MTUS2: variants seen among roughly 807,000 people sequenced by gnomAD.
The protein encoded by MTUS2 is microtubule-associated tumor suppressor candidate 2.
Under a neutral mutation model 114.1 loss-of-function variants are expected in MTUS2, and 40 were observed. That is an observed-to-expected ratio of 0.35 (90% CI 0.27 to 0.46). The LOEUF is 0.46. MTUS2 is among the 20% of genes least tolerant of loss of function. The pLI, the probability that MTUS2 is intolerant of heterozygous loss-of-function variation, is 1.00. For synonymous variants in MTUS2, 688 were observed against 672.0 expected (o/e 1.02, Z -0.37); for missense variants, 1,679 against 1,705.4 (o/e 0.98, Z 0.27).
chr13:28,909,916 A>C lies in MTUS2; in HGVS notation c.-243+70066A>C, dbSNP rs923993008. On this transcript the variant is annotated intron_variant, in intron 2 of 15. Coordinates refer to ENST00000612955, the MANE Select transcript of MTUS2 (RefSeq NM_001033602.4). ...TATTTTTTAATTTTTGTGGGTGCATAGTAAGTATATATATTTATGGGCTAC... is the reference window on the plus strand; with the variant it reads ...TATTTTTTAATTTTTGTGGGTGCATCGTAAGTATATATATTTATGGGCTAC... Among the ~76,000 whole-genome samples the C allele has an allele frequency of 2.9e-4, 44 of 152,276 alleles. 1 individual carries two copies. The highest frequency in any genetic ancestry group is 2.8e-3 in the Admixed American group (43 of 15,296).
intron 8 of MTUS2, among the ~76,000 whole-genome samples, chr13:29,393,833 G>A (rs926130776): frequency 9.2e-5 from 14 of 152,276 alleles, no homozygotes; most frequent in African/African-American, 2.2e-4. Context: ...TGGAAAAGGC[G>A]GGACAACTCG....
rs539719781 is a variant in MTUS2 at position 29,245,402 on chromosome 13, G to A, written c.2645-36302G>A. Among the ~76,000 whole-genome samples, 7 of 152,312 alleles carry A rather than the reference G, an allele frequency of 4.6e-5. No homozygotes were observed. In the South Asian group the frequency reaches 1.2e-3, roughly 27 times the overall value. On this transcript the variant is annotated intron_variant, in intron 5 of 15. Coordinates refer to ENST00000612955, the MANE Select transcript of MTUS2 (RefSeq NM_001033602.4). ...ATGAGTTTGGGGTAGGCAAGAAAGT[G>A]CAAGGTATGTTCTAATCAGGAGCTG...
rs537563369 is a variant in MTUS2 at position 28,966,755 on chromosome 13, A to G, written c.-242-57702A>G. Among the ~76,000 whole-genome samples, 15 of 150,376 alleles carry G rather than the reference A, an allele frequency of 1.0e-4. No homozygotes were observed. In the East Asian group the frequency reaches 2.5e-3, roughly 25 times the overall value. Reference sequence around the variant, plus strand: ...AAAAAAAAAAAAAAAAAAACAAAGAACTGATTATTATTTTTTGAACATTTC... The same window carrying G: ...AAAAAAAAAAAAAAAAAAACAAAGAGCTGATTATTATTTTTTGAACATTTC... On this transcript the variant is annotated intron_variant, in intron 2 of 15. Coordinates refer to ENST00000612955, the MANE Select transcript of MTUS2 (RefSeq NM_001033602.4).
chr13:29,413,542 C>T (rs955530445), intron 8 of MTUS2, among the ~76,000 whole-genome samples: 3 of 106,192 alleles, frequency 2.8e-5, no homozygotes, highest in East Asian at 5.1e-4. Flanking sequence ...AGAAAATTTT[C>T]GCAACCTACT....
chr13:29,276,462 T>C (rs1898067084), intron 5 of MTUS2, among the ~76,000 whole-genome samples: 1 of 152,218 alleles, frequency 6.6e-6, no homozygotes, highest in Non-Finnish European at 1.5e-5. Context: ...CAAGAGGCTA[T>C]AGTCCTTTAG....
chr13:29,436,682 T>C (rs901756020), intron 8 of MTUS2, among the ~76,000 whole-genome samples: 29 of 152,166 alleles, frequency 1.9e-4, no homozygotes, highest in Admixed American at 1.8e-3. Flanking sequence ...GTCATTTTCA[T>C]TGGGTCTTCG....
intron 5 of MTUS2, among the ~76,000 whole-genome samples, chr13:29,214,201 A>G (rs1288799267): frequency 1.3e-4 from 18 of 141,122 alleles, no homozygotes; most frequent in African/African-American, 4.8e-4. Context: ...TTTGCTTTCC[A>G]TTTGCTTGGT....
rs1333567394 is a variant in MTUS2, at chr13:29,505,636, A to T, written c.*2430A>T. 2 of 231,120 alleles carry T rather than the reference A, an allele frequency of 8.7e-6. No individual in the cohort carries two copies. Among genetic ancestry groups the T allele is most frequent in the Admixed American group, 1.1e-4 (2 of 17,734 alleles). 14.3% of individuals were successfully genotyped at this position (231,120 alleles called of 1,614,324 possible). A position where few individuals can be genotyped will look rare whatever the true frequency, so the allele number is the denominator to read the frequency against. Reference sequence around the variant, plus strand: ...GTGGCGTCTGCCTCTGTCCCCTTCCAGGCTGGAGCGACGTTTCCACGTTCG... The same window carrying T: ...GTGGCGTCTGCCTCTGTCCCCTTCCTGGCTGGAGCGACGTTTCCACGTTCG... On this transcript the variant is annotated 3_prime_UTR_variant, in exon 16 of 16. Transcript: ENST00000612955.
intron 2 of MTUS2, among the ~76,000 whole-genome samples, chr13:28,848,761 G>T (rs1262657418): frequency 2.0e-5 from 3 of 152,060 alleles, no homozygotes; most frequent in Non-Finnish European, 4.4e-5. Context: ...GAATGGTCTC[G>T]ATGTCAACCT....
chr13:29,362,174 T>G (rs752440430), intron 8 of MTUS2, among the ~76,000 whole-genome samples: 13 of 152,330 alleles, frequency 8.5e-5, no homozygotes, highest in Non-Finnish European at 1.9e-4. Context: ...TTTATAGAGA[T>G]GGGTCTCACT....
intron 5 of MTUS2, among the ~76,000 whole-genome samples, chr13:29,261,620 A>G (rs1566096987): frequency 2.0e-5 from 3 of 152,262 alleles, no homozygotes; most frequent in African/African-American, 7.2e-5. Flanking sequence ...AATAAAAGCT[A>G]CTATATAAGC....
chr13:29,307,237 A>T, intron 6 of MTUS2: 1 of 614,340 alleles, frequency 1.6e-6, no homozygotes, highest in Non-Finnish European at 3.0e-6. Context: ...CTCCTGCACC[A>T]TGAATTGCTT....
At chr13:28,977,000 C>T (rs1019048190) in intron 2 of MTUS2, among the ~76,000 whole-genome samples, 2 of 152,074 alleles carry the variant, frequency 1.3e-5, no homozygotes, top group African/African-American at 2.4e-5. Flanking sequence ...ATATACCCTT[C>T]CCCCCTTTGA....
chr13:29,268,006 T>C (rs1897731146), intron 5 of MTUS2, among the ~76,000 whole-genome samples: 2 of 152,212 alleles, frequency 1.3e-5, no homozygotes, highest in African/African-American at 2.4e-5. Flanking sequence ...ACATCAGATT[T>C]TTTTAATATA....
At chr13:29,400,948 G>A (rs1265534588) in intron 8 of MTUS2, among the ~76,000 whole-genome samples, 2 of 152,126 alleles carry the variant, frequency 1.3e-5, no homozygotes, top group African/African-American at 4.8e-5. Flanking sequence ...GTATTAGAGA[G>A]CCTAGCGTTG....
chr13:29,275,531 C>T (rs1196825015), intron 5 of MTUS2, among the ~76,000 whole-genome samples: 1 of 152,172 alleles, frequency 6.6e-6, no homozygotes, highest in Non-Finnish European at 1.5e-5. Context: ...CACTACCCTT[C>T]CAGCTTCTAA....
intron 5 of MTUS2, among the ~76,000 whole-genome samples, chr13:29,241,121 G>A (rs1896714966): frequency 6.6e-6 from 1 of 152,128 alleles, no homozygotes; most frequent in East Asian, 1.9e-4. Context: ...ATTATGAAAA[G>A]GGGAAGACCC....
intron 2 of MTUS2, among the ~76,000 whole-genome samples, chr13:28,904,211 G>A (rs994407133): frequency 6.6e-6 from 1 of 152,106 alleles, no homozygotes; most frequent in Non-Finnish European, 1.5e-5. Context: ...TCTGTAGGTT[G>A]CCTGTTCACT....
chr13:29,306,938 G>T (rs533479850), intron 6 of MTUS2: 2 of 542,594 alleles, frequency 3.7e-6, no homozygotes, highest in African/African-American at 1.9e-5. Context: ...TCTACCCATG[G>T]CAAATTCCAT....
Sources: allele counts gnomAD v4.1 joint callset (sites outside exome capture counted in the v4.1 genomes callset), GRCh38; gene constraint gnomAD v4.1.1; transcripts MANE v1.5; gene names NCBI Gene and HGNC (gene_info 2026-07-23, HGNC 2026-07-21).